The following LRP1B variants were observed in gnomAD, a reference collection of about 807,000 sequenced individuals.
The protein encoded by LRP1B is low-density lipoprotein receptor-related protein 1B.
LRP1B carries 217 observed loss-of-function variants against 556.6 expected under a neutral mutation model. The ratio of observed to expected loss-of-function variants is 0.39; its 90% CI spans 0.35 to 0.44. The LOEUF (loss-of-function observed/expected upper bound fraction) is 0.44. Ranked by LOEUF, LRP1B falls within the 20% of genes least tolerant of loss-of-function variation. The pLI, the probability that LRP1B is intolerant of heterozygous loss-of-function variation, is 1.00. For missense variants in LRP1B, 5,053 were observed against 5,620.8 expected (o/e 0.90, Z 3.23); for synonymous variants, 2,047 against 1,865.8 (o/e 1.10, Z -2.50).
At chr2:141,002,304 A>C (rs984686745) in intron 15 of LRP1B, among the ~76,000 whole-genome samples, 1 of 152,060 alleles carries the variant, frequency 6.6e-6, no homozygotes, top group African/African-American at 2.4e-5. Context: ...AATAGGTACA[A>C]ATTTGTAGAA....
chr2:141,327,017 G>A (rs1450500548), intron 3 of LRP1B, among the ~76,000 whole-genome samples: 1 of 152,110 alleles, frequency 6.6e-6, no homozygotes, highest in Non-Finnish European at 1.5e-5. Context: ...GGGGAAAAAA[G>A]GAAGGAGCTA....
At chr2:142,100,593 G>C (rs1706537384) in intron 1 of LRP1B, among the ~76,000 whole-genome samples, 1 of 151,934 alleles carries the variant, frequency 6.6e-6, no homozygotes, top group Non-Finnish European at 1.5e-5. Context: ...ATAATTGACA[G>C]AAATAATGAA....
rs1180884971 is a variant in LRP1B, at chr2:140,955,148, CA to C, written c.2888-3209del. 2.0e-5 allele frequency among the ~76,000 whole-genome samples: 3 copies of C among 151,906 alleles called. No homozygotes were observed. The East Asian group carries it at 5.8e-4, about 29-fold the overall frequency. On this transcript the variant is annotated intron_variant, in intron 18 of 90. Transcript: ENST00000389484. ...AATACCCTGAAAGCATTTAATGTAG[CA>C]AAAAGTAGGATTCACCACTTGAATA... is the stretch of plus-strand genomic sequence containing the variant.
intron 2 of LRP1B, among the ~76,000 whole-genome samples, chr2:141,578,025 T>C (rs148039181): frequency 1.9e-4 from 29 of 152,292 alleles, no homozygotes; most frequent in Non-Finnish European, 3.4e-4. Context: ...TTGAGTATAG[T>C]TACAATTTTC....
chr2:140,729,714 C>T (rs922539618), intron 35 of LRP1B, among the ~76,000 whole-genome samples: 10 of 152,220 alleles, frequency 6.6e-5, no homozygotes, highest in African/African-American at 1.4e-4. Context: ...TAGCAATTCA[C>T]GTTACTTATC....
chr2:142,034,018 T>C (rs1221579135), intron 1 of LRP1B, among the ~76,000 whole-genome samples: 1 of 151,736 alleles, frequency 6.6e-6, no homozygotes, highest in Non-Finnish European at 1.5e-5. Context: ...TGTTCCCACA[T>C]TGCCAGAAAC....
At chr2:141,360,159 G>A (rs148012719) in intron 3 of LRP1B, among the ~76,000 whole-genome samples, 4 of 152,246 alleles carry the variant, frequency 2.6e-5, no homozygotes, top group African/African-American at 7.2e-5. Context: ...TTAAGCAGCC[G>A]TAATAGGCAA....
intron 2 of LRP1B, among the ~76,000 whole-genome samples, chr2:141,495,168 T>G (rs1191379745): frequency 6.6e-6 from 1 of 152,112 alleles, no homozygotes; most frequent in East Asian, 1.9e-4. Context: ...CCCTCATCAC[T>G]CTATCCTGTT....
At chr2:140,409,353 G>T (rs1200986539) in intron 66 of LRP1B, among the ~76,000 whole-genome samples, 1 of 151,938 alleles carries the variant, frequency 6.6e-6, no homozygotes, top group African/African-American at 2.4e-5. Flanking sequence ...TATTGAAAAA[G>T]TATGTAAAAT....
chr2:141,619,669 G>A (rs578261702), intron 2 of LRP1B, among the ~76,000 whole-genome samples: 1 of 152,190 alleles, frequency 6.6e-6, no homozygotes, highest in African/African-American at 2.4e-5. Context: ...AAATTATCTG[G>A]AGCTTAGTTC....
At position 141,136,580 on chromosome 2, in the gene LRP1B, C is replaced by G. The variant is rs557119542; in HGVS notation, c.1013+51841G>C. On this transcript the variant is annotated intron_variant, in intron 7 of 90. Coordinates refer to ENST00000389484, the MANE Select transcript of LRP1B (RefSeq NM_018557.3). ...TTCGAAACAATTTAATAAGTTTCTA[C>G]TATGTACCAGGCAATATACATAGTG... Among the ~76,000 whole-genome samples, 12 of 142,984 alleles carry G rather than the reference C, an allele frequency of 8.4e-5. No individual in the cohort carries two copies. In the South Asian group the frequency reaches 2.7e-3, roughly 32 times the overall value. 93.8% of individuals were successfully genotyped at this position (142,984 alleles called of 152,430 possible).
intron 1 of LRP1B, among the ~76,000 whole-genome samples, chr2:141,874,386 G>A (rs1391718251): frequency 1.8e-5 from 1 of 55,848 alleles, no homozygotes; most frequent in African/African-American, 7.1e-5. Flanking sequence ...TTTGAATTTT[G>A]GTTGAATGAC....
chr2:140,234,572 T>G (rs113382428), intron 90 of LRP1B, among the ~76,000 whole-genome samples: 3,181 of 151,416 alleles, frequency 0.021, 120 homozygotes, highest in African/African-American at 0.072. Context: ...GTAGAAGAGA[T>G]ATTTCTACTT....
chr2:142,123,821 C>A (rs984413860), intron 1 of LRP1B, among the ~76,000 whole-genome samples: 36 of 151,584 alleles, frequency 2.4e-4, no homozygotes, highest in African/African-American at 8.5e-4. Flanking sequence ...TATATACGAG[C>A]TTATATTTGA....
At chr2:142,101,638 G>T (rs2104970233) in intron 1 of LRP1B, among the ~76,000 whole-genome samples, 1 of 152,000 alleles carries the variant, frequency 6.6e-6, no homozygotes, top group South Asian at 2.1e-4. Context: ...ATTTTTAACT[G>T]TTTCTTCTAG....
chr2:141,336,513 T>C (rs4954897), intron 3 of LRP1B, among the ~76,000 whole-genome samples: 88,242 of 151,966 alleles, frequency 0.58, 26,536 homozygotes, highest in African/African-American at 0.68. Flanking sequence ...GCATATTTGT[T>C]AATTTTGCTT....
intron 31 of LRP1B, among the ~76,000 whole-genome samples, chr2:140,815,480 T>C (rs571204382): frequency 2.0e-5 from 3 of 152,028 alleles, no homozygotes; most frequent in Non-Finnish European, 4.4e-5. Context: ...TTCTATTTTT[T>C]TTTCTTTTTC....
intron 1 of LRP1B, among the ~76,000 whole-genome samples, chr2:141,821,060 T>C (rs774726365): frequency 6.6e-6 from 1 of 152,134 alleles, no homozygotes; most frequent in Non-Finnish European, 1.5e-5. Flanking sequence ...GAAGAAGCTG[T>C]AATCTGAGAA....
chr2:142,105,817 A>T (rs534756339), intron 1 of LRP1B, among the ~76,000 whole-genome samples: 1 of 152,292 alleles, frequency 6.6e-6, no homozygotes, highest in East Asian at 1.9e-4. Context: ...ATTTATTTTA[A>T]ATAATAATGT....
Sources: gnomAD v4.1 joint callset for allele counts (sites outside exome capture counted in the v4.1 genomes callset) on GRCh38, gnomAD v4.1.1 for gene constraint, MANE v1.5 for transcripts, NCBI Gene and HGNC (gene_info 2026-07-23, HGNC 2026-07-21) for gene names.